Variants in MCC observed in about 807,000 individuals in gnomAD.
MCC encodes the protein MCC regulator of Wnt signaling pathway.
A neutral mutation model predicts 116.2 loss-of-function variants in MCC; 90 were observed. The observed-to-expected ratio is 0.77, with a 90% CI of 0.65 to 0.92. The LOEUF (loss-of-function observed/expected upper bound fraction) is 0.92, where lower values mean the gene tolerates loss of function less well. Ranked by LOEUF, MCC falls within the 40% of genes least tolerant of loss-of-function variation. MCC has a pLI of 0.00. For synonymous variants in MCC, 578 were observed against 510.5 expected, an observed-to-expected ratio of 1.13 and a Z score of -1.78; for missense variants, 1,516 against 1,312.2, an observed-to-expected ratio of 1.16 and a Z score of -2.40.
chr5:113,107,685 T>C (rs376772810), intron 6 of MCC, among the ~76,000 whole-genome samples: 3 of 152,326 alleles, frequency 2.0e-5, no homozygotes, highest in South Asian at 2.1e-4. Context: ...TCCTGAGTTA[T>C]GTGCATTAAG....
chr5:113,487,458 A>T (rs1580436857), intron 1 of MCC, among the ~76,000 whole-genome samples: 2 of 152,234 alleles, frequency 1.3e-5, no homozygotes, highest in East Asian at 3.8e-4. Flanking sequence ...GGGCAGAAGT[A>T]ATTATTTGGC....
chr5:113,049,083 C>A lies in MCC; in HGVS notation c.2655+10G>T, dbSNP rs1263863625. 6.2e-7 allele frequency: 1 copy of A among 1,614,016 alleles called. No individual in the cohort carries two copies. Among genetic ancestry groups the A allele is most frequent in the African/African-American group, 1.3e-5 (1 of 75,032 alleles). The stretch of plus-strand genomic sequence containing the variant: ...AGCCTAAGGGTGTCCCCAAGCCACT[C>A]CGGCCCTACCTTGCCAGGTTTGTCT... On this transcript the variant is annotated intron_variant, in intron 16 of 18. Coordinates refer to ENST00000408903, the MANE Select transcript of MCC (RefSeq NM_001085377.2).
chr5:113,289,947 G>C (rs1377524012), intron 3 of MCC, among the ~76,000 whole-genome samples: 1 of 152,152 alleles, frequency 6.6e-6, no homozygotes, highest in African/African-American at 2.4e-5. Context: ...TTTTCTAAAG[G>C]CAGAGGACTA....
chr5:113,308,118 G>A (rs576268197), intron 3 of MCC, among the ~76,000 whole-genome samples: 114 of 152,040 alleles, frequency 7.5e-4, no homozygotes, highest in African/African-American at 2.6e-3. Flanking sequence ...GACTACAGAC[G>A]TGCACCACCA....
chr5:113,271,716 C>T (rs1205450595), intron 3 of MCC, among the ~76,000 whole-genome samples: 1 of 152,128 alleles, frequency 6.6e-6, no homozygotes, highest in Admixed American at 6.5e-5. Flanking sequence ...AGGGCTCTGC[C>T]CTTACAAATG....
Position 113,371,288 on chromosome 5 carries a change from T to C in MCC, c.415+13680A>G, listed in dbSNP as rs12234007. Among the ~76,000 whole-genome samples the C allele has an allele frequency of 8.5e-5, 13 of 152,334 alleles. No individual in the cohort carries two copies. In the East Asian group the frequency reaches 2.1e-3, roughly 25 times the overall value. On this transcript the variant is annotated intron_variant, in intron 2 of 18. Coordinates refer to ENST00000408903, the MANE Select transcript of MCC (RefSeq NM_001085377.2). ...GAGAGTTCCATTCTAGTCCCAGCCA[T>C]GACACAATTAGTTTTGTGACCTCAG...
intron 7 of MCC, 75 bp downstream of exon 7, chr5:113,104,117 G>A (rs896337522): frequency 2.2e-6 from 3 of 1,385,644 alleles, no homozygotes; most frequent in Non-Finnish European, 2.9e-6. Flanking sequence ...TAAGAAAACT[G>A]CACTTCAAGA....
intron 1 of MCC, among the ~76,000 whole-genome samples, chr5:113,424,668 G>T (rs1274295816): frequency 1.3e-5 from 2 of 152,124 alleles, no homozygotes; most frequent in Non-Finnish European, 2.9e-5. Context: ...AGCTGAGATT[G>T]TGCCATTGTA....
intron 1 of MCC, among the ~76,000 whole-genome samples, chr5:113,422,942 T>G (rs567544532): frequency 1.3e-5 from 2 of 152,296 alleles, no homozygotes; most frequent in African/African-American, 4.8e-5. Context: ...TCCCCATGAC[T>G]CATGGATTCT....
intron 13 of MCC, among the ~76,000 whole-genome samples, 156 bp from the exon 14 acceptor site, chr5:113,064,323 G>A (rs1447769046): frequency 2.0e-5 from 3 of 152,234 alleles, no homozygotes; most frequent in African/African-American, 7.2e-5. Flanking sequence ...TGTGTTCTGG[G>A]CCTGGCACTA....
chr5:113,327,561 A>AAAAAAAAAATATATATATAT (rs1480996383), intron 3 of MCC, among the ~76,000 whole-genome samples: 1 of 80,584 alleles, frequency 1.2e-5, no homozygotes, highest in African/African-American at 5.0e-5. Flanking sequence ...AAAAAAAAAA[A>AAAAAAAAAATATATATATAT]ATATATATAT....
intron 3 of MCC, among the ~76,000 whole-genome samples, chr5:113,196,968 T>G (rs1762443165): frequency 1.3e-5 from 2 of 152,354 alleles, no homozygotes; most frequent in South Asian, 4.1e-4. Context: ...ATCCTACATG[T>G]AACATTGAAA....
chr5:113,389,960 G>A (rs1032807047), intron 1 of MCC, among the ~76,000 whole-genome samples: 1 of 152,130 alleles, frequency 6.6e-6, no homozygotes, highest in African/African-American at 2.4e-5. Flanking sequence ...CTTAGTGACA[G>A]AACAGCAGGA....
chr5:113,443,990 T>TG (rs1771128233), intron 1 of MCC, among the ~76,000 whole-genome samples: 1 of 127,462 alleles, frequency 7.8e-6, no homozygotes, highest in African/African-American at 3.3e-5. Context: ...GCTCGGCTAA[T>TG]TTGTGTGTGT....
chr5:113,166,282 T>A (rs557781907), intron 3 of MCC, among the ~76,000 whole-genome samples: 2 of 152,302 alleles, frequency 1.3e-5, no homozygotes, highest in East Asian at 3.9e-4. Flanking sequence ...AGTCTGGCAG[T>A]GACTAGAAAT....
At chr5:113,394,595 G>C (rs1330644528) in intron 1 of MCC, among the ~76,000 whole-genome samples, 2 of 152,086 alleles carry the variant, frequency 1.3e-5, no homozygotes, top group Non-Finnish European at 2.9e-5. Context: ...CTTTGCACAT[G>C]TTTGTCCCTC....
At chr5:113,059,277 C>CT (rs531849217) in intron 14 of MCC, among the ~76,000 whole-genome samples, 65 of 152,332 alleles carry the variant, frequency 4.3e-4, no homozygotes, top group African/African-American at 1.5e-3. Context: ...TTCCCTTCTC[C>CT]TGCTTCCAGG....
intron 1 of MCC, among the ~76,000 whole-genome samples, chr5:113,470,973 G>C (rs539645546): frequency 6.6e-6 from 1 of 151,820 alleles, no homozygotes; most frequent in East Asian, 1.9e-4. Flanking sequence ...TGATTGCATC[G>C]GCTACTAAGG....
At chr5:113,399,484 C>A (rs1769622058) in intron 1 of MCC, among the ~76,000 whole-genome samples, 2 of 150,582 alleles carry the variant, frequency 1.3e-5, no homozygotes. Flanking sequence ...GACTCTGTCT[C>A]AAAAAAATAA....
Sources: gnomAD v4.1 joint callset for allele counts (sites outside exome capture counted in the v4.1 genomes callset) on GRCh38, gnomAD v4.1.1 for gene constraint, MANE v1.5 for transcripts, NCBI Gene and HGNC (gene_info 2026-07-23, HGNC 2026-07-21) for gene names.